The following SMAD4 variants were observed in gnomAD, a reference collection of about 807,000 sequenced individuals.
The protein encoded by SMAD4 is MAD homolog 4.
In SMAD4, 7 loss-of-function variants were observed where a neutral mutation model predicts 63.2. The ratio of observed to expected loss-of-function variants is 0.11; its 90% CI spans 0.06 to 0.21. The LOEUF (loss-of-function observed/expected upper bound fraction) is 0.21, where lower values mean the gene tolerates loss of function less well. Ranked by LOEUF, SMAD4 falls within the 10% of genes least tolerant of loss-of-function variation. The probability of loss-of-function intolerance (pLI) is 1.00; values close to 1 mark genes in which losing one functional copy is unlikely to be tolerated. For synonymous variants in SMAD4, 215 were observed against 235.4 expected, an observed-to-expected ratio of 0.91 and a Z score of 0.79; for missense variants, 312 against 693.8, an observed-to-expected ratio of 0.45 and a Z score of 6.18.
At chr18:51,038,430 G>A (rs1034601220) in intron 1 of SMAD4, among the ~76,000 whole-genome samples, 1 of 152,220 alleles carries the variant, frequency 6.6e-6, no homozygotes, top group Non-Finnish European at 1.5e-5. Context: ...AAAGTTCACT[G>A]ATACAGTGAA....
intron 11 of SMAD4, among the ~76,000 whole-genome samples, 178 bp from the exon 12 acceptor site, chr18:51,078,078 A>C (rs536631462): frequency 6.6e-6 from 1 of 152,374 alleles, no homozygotes; most frequent in African/African-American, 2.4e-5. Flanking sequence ...CTTAACCAAA[A>C]GTGTGCAGCT....
intron 8 of SMAD4, among the ~76,000 whole-genome samples, chr18:51,063,445 C>T (rs2015077760): frequency 6.6e-6 from 1 of 152,090 alleles, no homozygotes; most frequent in Admixed American, 6.5e-5. Flanking sequence ...CGGGGTCTCA[C>T]TCTGTGGCCT....
intron 1 of SMAD4, among the ~76,000 whole-genome samples, chr18:51,041,698 A>G (rs533220163): frequency 1.2e-4 from 19 of 152,212 alleles, no homozygotes; most frequent in Non-Finnish European, 2.1e-4. Flanking sequence ...GAGCTGTCCT[A>G]TCCCTTCTCC....
intron 10 of SMAD4, among the ~76,000 whole-genome samples, chr18:51,073,947 C>T (rs1356179709): frequency 6.6e-6 from 1 of 151,886 alleles, no homozygotes; most frequent in Non-Finnish European, 1.5e-5. Flanking sequence ...AAGACAGGGT[C>T]AGAGAATGAG....
At chr18:51,058,279 T>A in intron 6 of SMAD4, 35 bp downstream of exon 6, 1 of 1,611,034 alleles carries the variant, frequency 6.2e-7, no homozygotes, top group Non-Finnish European at 8.5e-7. Context: ...TTTAAATAGT[T>A]GAGAAAAAAG....
chr18:51,066,812 A>T, intron 9 of SMAD4: 1 of 542,210 alleles, frequency 1.8e-6, no homozygotes. Flanking sequence ...CTCCTGACAC[A>T]TAGTAAGTGT....
intron 9 of SMAD4, 99 bp downstream of exon 9, chr18:51,065,705 T>G: frequency 1.1e-6 from 1 of 919,808 alleles, no homozygotes; most frequent in African/African-American, 1.7e-5. Flanking sequence ...ATATGTGTTC[T>G]TAAATATAAA....
Position 51,082,136 on chromosome 18 carries a change from A to G in SMAD4, c.*3669A>G, listed in dbSNP as rs1272133378. ...AATGGCAAATTTAGGTTACGGAGGT[A>G]AATGAGTATATGAAAGCAATTACCT... On this transcript the variant is annotated 3_prime_UTR_variant, in exon 12 of 12. Transcript: ENST00000342988. 4.3e-6 allele frequency: 1 copy of G among 229,970 alleles called. No homozygotes were observed. The highest frequency in any genetic ancestry group is 2.2e-5 in the African/African-American group (1 of 45,200). 14.2% of individuals were successfully genotyped at this position (229,970 alleles called of 1,614,324 possible).
chr18:51,051,344 A>T (rs1909706163), intron 4 of SMAD4: 1 of 456,006 alleles, frequency 2.2e-6, no homozygotes, highest in Non-Finnish European at 4.4e-6. Context: ...TCAGTGTCTT[A>T]TTTCCTCAGA....
intron 1 of SMAD4, among the ~76,000 whole-genome samples, chr18:51,031,136 C>T (rs773475041): frequency 1.3e-5 from 2 of 152,182 alleles, no homozygotes; most frequent in Non-Finnish European, 2.9e-5. Flanking sequence ...CTGAGAGTGA[C>T]AGCGGTATGC....
At chr18:51,048,006 A>C (rs892276787) in intron 2 of SMAD4, among the ~76,000 whole-genome samples, 2 of 152,226 alleles carry the variant, frequency 1.3e-5, no homozygotes, top group African/African-American at 4.8e-5. Context: ...CACTGTTAGC[A>C]AATGTTTCAT....
intron 9 of SMAD4, among the ~76,000 whole-genome samples, chr18:51,066,187 A>G (rs1040639414): frequency 2.0e-5 from 3 of 151,968 alleles, no homozygotes; most frequent in African/African-American, 7.3e-5. Flanking sequence ...CCCTGTCTCT[A>G]CCAAAAATTA....
chr18:51,062,227 A>G (rs1003376499), intron 8 of SMAD4, among the ~76,000 whole-genome samples: 1 of 152,162 alleles, frequency 6.6e-6, no homozygotes, highest in African/African-American at 2.4e-5. Flanking sequence ...TTGTAGGTCA[A>G]GGGGTCTAGC....
chr18:51,062,848 C>CTTTTTTTTTTTTTTT (rs1366376175), intron 8 of SMAD4, among the ~76,000 whole-genome samples: 3 of 83,598 alleles, frequency 3.6e-5, no homozygotes, highest in East Asian at 4.2e-4. Flanking sequence ...TCTGGCTTTA[C>CTTTTTTTTTTTTTTT]TTGTTTTTTT....
intron 5 of SMAD4, among the ~76,000 whole-genome samples, chr18:51,056,599 G>A (rs1311450310): frequency 4.2e-5 from 5 of 120,028 alleles, no homozygotes; most frequent in Non-Finnish European, 6.4e-5. Flanking sequence ...CAGCCTGGGC[G>A]ACACAGCGAG....
intron 9 of SMAD4, 36 bp downstream of exon 9, chr18:51,065,642 AT>A: frequency 6.4e-7 from 1 of 1,555,924 alleles, no homozygotes. Flanking sequence ...ACTTTAAAAA[AT>A]TGAGCATAGT....
intron 10 of SMAD4, among the ~76,000 whole-genome samples, chr18:51,071,869 T>C (rs1370015774): frequency 2.0e-4 from 31 of 152,238 alleles, no homozygotes; most frequent in Admixed American, 2.0e-3. Context: ...AAGAGAATTA[T>C]GTAATATAGT....
intron 9 of SMAD4, 104 bp from the exon 10 acceptor site, chr18:51,066,915 C>CTT: frequency 1.1e-6 from 1 of 914,892 alleles, no homozygotes; most frequent in East Asian, 2.6e-5. Context: ...TTTATGTGAT[C>CTT]TTTATTTTTA....
At chr18:51,056,822 A>G (rs957639433) in intron 5 of SMAD4, among the ~76,000 whole-genome samples, 1 of 152,132 alleles carries the variant, frequency 6.6e-6, no homozygotes, top group Non-Finnish European at 1.5e-5. Flanking sequence ...TCACTTTACA[A>G]TTTATGTTCT....
Sources: allele counts gnomAD v4.1 joint callset (sites outside exome capture counted in the v4.1 genomes callset), GRCh38; gene constraint gnomAD v4.1.1; transcripts MANE v1.5; gene names NCBI Gene and HGNC (gene_info 2026-07-23, HGNC 2026-07-21).